Variants in TP53INP1 observed in about 807,000 individuals in gnomAD.
The protein encoded by TP53INP1 is tumor protein p53-inducible nuclear protein 1.
A neutral mutation model predicts 21.0 loss-of-function variants in TP53INP1; 12 were observed. The ratio of observed to expected loss-of-function variants is 0.57; its 90% CI spans 0.37 to 0.93. TP53INP1 has a LOEUF of 0.93. Among genes scored for constraint, TP53INP1 ranks in the 40% least tolerant of loss-of-function variants. TP53INP1 has a pLI of 0.01. For missense variants in TP53INP1, 274 were observed against 294.7 expected, an observed-to-expected ratio of 0.93 and a Z score of 0.51; for synonymous variants, 91 against 94.8, an observed-to-expected ratio of 0.96 and a Z score of 0.23.
In TP53INP1 at chr8:94,926,047, A is replaced by C. The variant is rs1819861423; in HGVS notation, c.*4432T>G. The C allele has an allele frequency of 6.5e-6, 1 of 152,688 alleles. No homozygotes were observed. Among genetic ancestry groups the C allele is most frequent in the Non-Finnish European group, 1.5e-5 (1 of 68,046 alleles). The allele number at this position is 152,688 out of a possible 1,614,324, so 9.5% of individuals were successfully genotyped here. On this transcript the variant is annotated 3_prime_UTR_variant, in exon 4 of 4. Coordinates refer to ENST00000342697, the MANE Select transcript of TP53INP1 (RefSeq NM_033285.4). ...GGTAGTGCAAAATGCACCACAACCC[A>C]ATTACAAAGAACAGGTGTTAACACA...
intron 1 of TP53INP1, among the ~76,000 whole-genome samples, chr8:94,943,843 T>A (rs1340073998): frequency 2.6e-5 from 4 of 152,224 alleles, no homozygotes; most frequent in Non-Finnish European, 4.4e-5. Context: ...CCAGTCTTCC[T>A]GAAACCTTCT....
intron 1 of TP53INP1, among the ~76,000 whole-genome samples, chr8:94,946,571 C>T (rs927222922): frequency 6.6e-6 from 1 of 151,582 alleles, no homozygotes; most frequent in African/African-American, 2.4e-5. Flanking sequence ...GTGGTATGTG[C>T]ATGTAGTCCC....
At chr8:94,948,931 C>T (rs939932799) in intron 1 of TP53INP1, among the ~76,000 whole-genome samples, 2 of 151,256 alleles carry the variant, frequency 1.3e-5, no homozygotes, top group African/African-American at 2.4e-5. Flanking sequence ...TCTGTCCGCG[C>T]CCTGGGCCCC....
rs938957839 is a variant in TP53INP1, at chr8:94,927,479, A to G, written c.*3000T>C. The G allele has an allele frequency of 6.6e-6, 1 of 152,218 alleles. No homozygotes were observed. Among genetic ancestry groups the G allele is most frequent in the African/African-American group, 2.4e-5 (1 of 41,460 alleles). The allele number at this position is 152,218 out of a possible 1,614,324, so 9.4% of individuals were successfully genotyped here. On this transcript the variant is annotated 3_prime_UTR_variant, in exon 4 of 4. Transcript: ENST00000342697. Reference sequence around the variant, plus strand: ...GTTTGCATGGGGATTGGAAAAATGTATAGGAAATTAATATTTCTTAAAAGC... The same window carrying G: ...GTTTGCATGGGGATTGGAAAAATGTGTAGGAAATTAATATTTCTTAAAAGC...
At chr8:94,935,132 G>GATAGAT (rs1042247212) in intron 3 of TP53INP1, among the ~76,000 whole-genome samples, 3 of 141,622 alleles carry the variant, frequency 2.1e-5, no homozygotes, top group African/African-American at 8.0e-5. Flanking sequence ...GATAGATATA[G>GATAGAT]ATAGATAGAT....
At chr8:94,947,352 TCA>T (rs1327719128) in intron 1 of TP53INP1, among the ~76,000 whole-genome samples, 3 of 151,858 alleles carry the variant, frequency 2.0e-5, no homozygotes, top group South Asian at 4.2e-4. Context: ...TGTGGCTCCT[TCA>T]CAGTTTCAGG....
At chr8:94,941,993 A>G (rs1821582787) in intron 1 of TP53INP1, among the ~76,000 whole-genome samples, 1 of 151,586 alleles carries the variant, frequency 6.6e-6, no homozygotes, top group South Asian at 2.1e-4. Context: ...AAGCAGCAGC[A>G]GCTGGCAGTT....
At chr8:94,942,416 T>C (rs1821632288) in intron 1 of TP53INP1, among the ~76,000 whole-genome samples, 1 of 152,156 alleles carries the variant, frequency 6.6e-6, no homozygotes. Flanking sequence ...GCAGCTCGAA[T>C]CTGCCTGCTT....
intron 3 of TP53INP1, among the ~76,000 whole-genome samples, chr8:94,934,289 T>A (rs1820750051): frequency 6.6e-6 from 1 of 152,164 alleles, no homozygotes. Context: ...GTTTCTGTAG[T>A]AAATTCTTTT....
At chr8:94,943,144 T>C (rs1469824929) in intron 1 of TP53INP1, among the ~76,000 whole-genome samples, 1 of 152,130 alleles carries the variant, frequency 6.6e-6, no homozygotes, top group East Asian at 1.9e-4. Flanking sequence ...TGGTCTCAGC[T>C]AGGGGCATAG....
intron 3 of TP53INP1, chr8:94,939,655 C>T (rs1252212439): frequency 2.9e-6 from 2 of 699,864 alleles, no homozygotes; most frequent in South Asian, 3.4e-5. Context: ...GCCTTGGCCT[C>T]CCAAAGTGCT....
In TP53INP1 at chr8:94,940,030, G is replaced by C. The variant is rs368073567; in HGVS notation, c.303C>G (p.Pro101=). The part of the protein sequence containing the change: ...PMEESWFITP[P]PCFTAGGLTT... ...TTAATCCACCTGCAGTAAAACATGG[G>C]GGTGGGGTGATAAACCAGCTCTCCT... The change falls in exon 3 of 4, where the codon CCC becomes CCG. Residue 101 remains proline (P), a synonymous_variant. Coordinates refer to ENST00000342697, the MANE Select transcript of TP53INP1 (RefSeq NM_033285.4). 3.1e-6 allele frequency: 5 copies of C among 1,614,190 alleles called. No homozygotes were observed. In the African/African-American group the frequency reaches 6.7e-5, roughly 22 times the overall value.
chr8:94,948,626 C>G (rs1372524446), intron 1 of TP53INP1, among the ~76,000 whole-genome samples: 3 of 152,062 alleles, frequency 2.0e-5, no homozygotes, highest in Non-Finnish European at 4.4e-5. Flanking sequence ...GATCGCAGGG[C>G]GGGGACAGAG....
chr8:94,940,257 T>C (rs1199837583), intron 2 of TP53INP1, 37 bp from the exon 3 acceptor site: 6 of 1,558,208 alleles, frequency 3.9e-6, no homozygotes, highest in Middle Eastern at 1.7e-4. Context: ...ACATGTGTTG[T>C]TGAAGAGTCC....
intron 3 of TP53INP1, among the ~76,000 whole-genome samples, chr8:94,932,550 T>A (rs1264675645): frequency 6.6e-6 from 1 of 152,242 alleles, no homozygotes; most frequent in Non-Finnish European, 1.5e-5. Context: ...ACGCCTGTAA[T>A]CCCAGCACTT....
At chr8:94,938,969 T>C (rs1821260361) in intron 3 of TP53INP1, among the ~76,000 whole-genome samples, 1 of 152,122 alleles carries the variant, frequency 6.6e-6, no homozygotes, top group South Asian at 2.1e-4. Flanking sequence ...TCTGATGCCA[T>C]CTCGAGGTAG....
chr8:94,932,676 G>T (rs947942448), intron 3 of TP53INP1, among the ~76,000 whole-genome samples: 2 of 152,102 alleles, frequency 1.3e-5, no homozygotes, highest in African/African-American at 4.8e-5. Context: ...GGTGGCGGGC[G>T]CCTGTAGTCC....
chr8:94,930,762 A>G (rs1223922283), intron 3 of TP53INP1, 34 bp from the exon 4 acceptor site: 2 of 1,607,086 alleles, frequency 1.2e-6, no homozygotes, highest in Admixed American at 1.7e-5. Flanking sequence ...GTATTAAATA[A>G]CAGAGTATGT....
At position 94,930,683 on chromosome 8, in the gene TP53INP1, A is replaced by G; in HGVS notation, c.519T>C (p.Val173=). ...AAGTTGTATGAGCAGCAAGAGCTGC[A>G]ACATAACAATGAATATGCTGCCCCA... is the stretch of plus-strand genomic sequence containing the variant. ...NEMGQHIHCY[V]AALAAHTTFL... is the part of the protein sequence containing the mutation. Residue 173 remains valine, a synonymous_variant, in exon 4 of 4, where the codon GTT becomes GTC. Transcript: ENST00000342697. 6.2e-7 allele frequency: 1 copy of G among 1,614,266 alleles called. No individual in the cohort carries two copies. Among genetic ancestry groups the G allele is most frequent in the Non-Finnish European group, 8.5e-7 (1 of 1,180,042 alleles).
Sources: allele counts gnomAD v4.1 joint callset (sites outside exome capture counted in the v4.1 genomes callset), GRCh38; gene constraint gnomAD v4.1.1; transcripts MANE v1.5; gene names NCBI Gene and HGNC (gene_info 2026-07-23, HGNC 2026-07-21).